Variants in HEMK2 observed in about 807,000 individuals in gnomAD.
HEMK2 encodes the protein HemK methyltransferase 2, ETF1 glutamine and histone H4 lysine.
At chr21:28,675,239 C>T in the HEMK2 span, among the ~76,000 whole-genome samples, 1 of 151,978 alleles carries the variant, frequency 6.6e-6, no homozygotes, top group Non-Finnish European at 1.5e-5. Flanking sequence ...GAAATAGCAA[C>T]CTTTTGCTGC....
chr21:28,803,901 T>C, the HEMK2 span, among the ~76,000 whole-genome samples: 14 of 152,246 alleles, frequency 9.2e-5, no homozygotes, highest in Non-Finnish European at 1.3e-4. Flanking sequence ...TTGTCTTTCA[T>C]GGGCAAGAGA....
chr21:28,752,612 C>G, the HEMK2 span, among the ~76,000 whole-genome samples: 2 of 152,184 alleles, frequency 1.3e-5, no homozygotes, highest in African/African-American at 4.8e-5. Context: ...TACTGAGTGT[C>G]CACACACAGC....
chr21:28,775,396 G>C, the HEMK2 span, among the ~76,000 whole-genome samples: 1 of 152,170 alleles, frequency 6.6e-6, no homozygotes, highest in Non-Finnish European at 1.5e-5. Flanking sequence ...GTCCAGAAAA[G>C]AAATGGATAT....
At chr21:28,785,262 T>C in the HEMK2 span, among the ~76,000 whole-genome samples, 2 of 152,210 alleles carry the variant, frequency 1.3e-5, no homozygotes, top group Non-Finnish European at 2.9e-5. Flanking sequence ...AACACACCAA[T>C]TCCAGACACA....
At chr21:28,878,197 T>A in the HEMK2 span, 1 of 1,576,742 alleles carries the variant, frequency 6.3e-7, no homozygotes, top group Non-Finnish European at 8.6e-7. Flanking sequence ...ATTACCTGGG[T>A]TGTTTTCTTT....
chr21:28,602,710 T>G, the HEMK2 span, among the ~76,000 whole-genome samples: 1 of 152,318 alleles, frequency 6.6e-6, no homozygotes, highest in Admixed American at 6.5e-5. Flanking sequence ...ATCTTGCATG[T>G]GCAGTGGAAA....
At chr21:28,773,749 T>C in the HEMK2 span, among the ~76,000 whole-genome samples, 87 of 152,292 alleles carry the variant, frequency 5.7e-4, 1 homozygote, top group East Asian at 0.016. Flanking sequence ...GCTCTACTGG[T>C]ATTCTGCATC....
At chr21:28,591,671 A>G in the HEMK2 span, among the ~76,000 whole-genome samples, 9 of 151,844 alleles carry the variant, frequency 5.9e-5, no homozygotes, top group African/African-American at 1.9e-4. Context: ...AGTACCCAAT[A>G]ATTATTTTTT....
chr21:28,791,859 C>A, the HEMK2 span, among the ~76,000 whole-genome samples: 5 of 151,872 alleles, frequency 3.3e-5, no homozygotes, highest in African/African-American at 9.7e-5. Flanking sequence ...TTCTAAGTCA[C>A]AGGAAAAGAC....
chr21:28,601,354 G>T, the HEMK2 span, among the ~76,000 whole-genome samples: 1 of 152,022 alleles, frequency 6.6e-6, no homozygotes, highest in Non-Finnish European at 1.5e-5. Context: ...AGCCTTACTG[G>T]CCTCTTTGGT....
At chr21:28,701,310 G>A in the HEMK2 span, among the ~76,000 whole-genome samples, 1 of 152,072 alleles carries the variant, frequency 6.6e-6, no homozygotes, top group East Asian at 1.9e-4. Context: ...TCAGGCAAGA[G>A]AAAGATATAA....
At chr21:28,742,525 T>C in the HEMK2 span, among the ~76,000 whole-genome samples, 2 of 152,162 alleles carry the variant, frequency 1.3e-5, no homozygotes, top group African/African-American at 4.8e-5. Context: ...GATGCACTTA[T>C]CCAAAGACTT....
At chr21:28,589,669 G>A in the HEMK2 span, among the ~76,000 whole-genome samples, 1 of 152,062 alleles carries the variant, frequency 6.6e-6, no homozygotes, top group East Asian at 1.9e-4. Flanking sequence ...TGATCCATGT[G>A]GTATACTAGA....
the HEMK2 span, among the ~76,000 whole-genome samples, chr21:28,824,839 C>A: frequency 6.6e-6 from 1 of 152,170 alleles, no homozygotes; most frequent in African/African-American, 2.4e-5. Context: ...TTCTATTTCT[C>A]CATTTTTCTG....
At chr21:28,607,357 G>A in the HEMK2 span, among the ~76,000 whole-genome samples, 5 of 152,224 alleles carry the variant, frequency 3.3e-5, no homozygotes, top group East Asian at 9.6e-4. Flanking sequence ...GTTGCAGTGA[G>A]CCAAGATCGT....
chr21:28,827,913 G>C, the HEMK2 span, among the ~76,000 whole-genome samples: 1 of 152,114 alleles, frequency 6.6e-6, no homozygotes, highest in Non-Finnish European at 1.5e-5. Flanking sequence ...CTTGCTCTGA[G>C]CCAGTATATA....
the HEMK2 span, among the ~76,000 whole-genome samples, chr21:28,851,457 T>C: frequency 2.0e-5 from 3 of 152,308 alleles, no homozygotes; most frequent in Admixed American, 1.3e-4. Context: ...ATGTGTTGCC[T>C]TCAAAATCCA....
At chr21:28,825,157 G>A in the HEMK2 span, among the ~76,000 whole-genome samples, 56 of 152,280 alleles carry the variant, frequency 3.7e-4, no homozygotes, top group African/African-American at 1.3e-3. Context: ...AGTCTAGCTG[G>A]GAAGGCACAG....
chr21:28,738,096 T>C, the HEMK2 span, among the ~76,000 whole-genome samples: 10 of 152,308 alleles, frequency 6.6e-5, no homozygotes, highest in African/African-American at 2.4e-4. Flanking sequence ...ATAGCAACAA[T>C]TTGCCGACAC....
Sources: allele counts gnomAD v4.1 joint callset (sites outside exome capture counted in the v4.1 genomes callset), GRCh38; gene constraint gnomAD v4.1.1; transcripts MANE v1.5; gene names NCBI Gene and HGNC (gene_info 2026-07-23, HGNC 2026-07-21).